The following EGF variants were observed in gnomAD, a reference collection of about 807,000 sequenced individuals.
EGF encodes pro-epidermal growth factor.
Under a neutral mutation model 143.8 loss-of-function variants are expected in EGF, and 95 were observed. The observed-to-expected ratio is 0.66, with a 90% CI of 0.56 to 0.78. EGF has a LOEUF of 0.78. EGF is among the 30% of genes least tolerant of loss of function. EGF has a pLI of 0.00. For missense variants in EGF, 1,320 were observed against 1,470.9 expected (o/e 0.90, Z 1.68); for synonymous variants, 510 against 510.5 (o/e 1.00, Z 0.01).
chr4:109,966,186 C>T (rs1372108610), intron 10 of EGF, among the ~76,000 whole-genome samples: 1 of 151,956 alleles, frequency 6.6e-6, no homozygotes, highest in East Asian at 1.9e-4. Flanking sequence ...GGTAGTATTT[C>T]ACCTGTTACC....
chr4:109,924,218 G>T lies in EGF; in HGVS notation c.127+10756G>T, dbSNP rs1470643288. On this transcript the variant is annotated intron_variant, in intron 1 of 23. Coordinates refer to ENST00000265171, the MANE Select transcript of EGF (RefSeq NM_001963.6). ...TGAAGTAGCTTCTCAGGTCCTATGAGAATATAGCTCAGGACCCTAGACTCT... is the reference window on the plus strand; with the variant it reads ...TGAAGTAGCTTCTCAGGTCCTATGATAATATAGCTCAGGACCCTAGACTCT... 1.7e-4 allele frequency among the ~76,000 whole-genome samples: 26 copies of T among 151,572 alleles called. 2 individuals carry two copies. The highest frequency in any genetic ancestry group is 1.7e-3 in the Admixed American group (26 of 15,262).
intron 1 of EGF, among the ~76,000 whole-genome samples, chr4:109,913,709 T>C (rs1193019136): frequency 1.3e-5 from 2 of 152,240 alleles, no homozygotes; most frequent in African/African-American, 4.8e-5. Context: ...TGCCTCATTT[T>C]AAACTAGCAG....
rs139620168 is a variant in EGF, at chr4:109,930,793, T to C, written c.128-10153T>C. Among the ~76,000 whole-genome samples, 133 of 152,354 alleles carry C rather than the reference T, an allele frequency of 8.7e-4. 1 individual carries two copies. The highest frequency in any genetic ancestry group is 3.9e-3 in the Admixed American group (60 of 15,310). ...TCCTACTTCAAGCAAAGCTTGCTTT[T>C]CATCACTGACCTCTGTGTTATGTAG... On this transcript the variant is annotated intron_variant, in intron 1 of 23. Coordinates refer to ENST00000265171, the MANE Select transcript of EGF (RefSeq NM_001963.6).
At chr4:110,004,672 C>G in intron 22 of EGF, 50 bp downstream of exon 22, 1 of 1,497,450 alleles carries the variant, frequency 6.7e-7, no homozygotes, top group Admixed American at 1.7e-5. Context: ...ATATTAACCC[C>G]TATTCATTTT....
At chr4:110,006,746 G>A (rs541865103) in intron 22 of EGF, among the ~76,000 whole-genome samples, 1 of 152,346 alleles carries the variant, frequency 6.6e-6, no homozygotes, top group East Asian at 1.9e-4. Flanking sequence ...GCTGTCATGA[G>A]CAACTTGTTG....
Position 109,976,098 on chromosome 4 carries a change from C to G in EGF, c.1916C>G (p.Ser639Cys), listed in dbSNP as rs754758349. The G allele has an allele frequency of 1.2e-6, 2 of 1,614,130 alleles. No individual in the cohort carries two copies. Among genetic ancestry groups the G allele is most frequent in the South Asian group, 1.1e-5 (1 of 91,084 alleles). The change falls in exon 13 of 24, where the codon TCT becomes TGT. Residue 639 changes from serine to cysteine, a missense_variant. Transcript: ENST00000265171. ...CTTGGCCGTCTGGTTATAGCCAGCT[C>G]TGATCTAATCTGGCCCAGTGGAATA... is the stretch of plus-strand genomic sequence containing the variant. ...QGLGRLVIASSDLIWPSGITI... is the reference protein window; with the variant it reads ...QGLGRLVIASCDLIWPSGITI...
At chr4:109,971,060 G>A (rs1560713635) in intron 11 of EGF, among the ~76,000 whole-genome samples, 1 of 152,070 alleles carries the variant, frequency 6.6e-6, no homozygotes, top group Admixed American at 6.6e-5. Context: ...CCAAAGGTAA[G>A]TTTTGTTATC....
chr4:109,950,892 A>G (rs567329181), intron 5 of EGF, among the ~76,000 whole-genome samples: 47 of 152,334 alleles, frequency 3.1e-4, no homozygotes, highest in African/African-American at 1.1e-3. Context: ...TTCCCTAATC[A>G]TATGACACCA....
intron 21 of EGF, 149 bp downstream of exon 21, chr4:109,999,995 C>A: frequency 8.3e-7 from 1 of 1,211,224 alleles, no homozygotes; most frequent in Non-Finnish European, 1.2e-6. Flanking sequence ...CCCATGCCTG[C>A]AATCCCAGCA....
intron 1 of EGF, among the ~76,000 whole-genome samples, chr4:109,926,981 C>T (rs1738788524): frequency 6.6e-6 from 1 of 152,204 alleles, no homozygotes; most frequent in Non-Finnish European, 1.5e-5. Flanking sequence ...CATTTACAAA[C>T]AGCTTTCTAA....
At chr4:109,969,311 G>C (rs1009880591) in intron 11 of EGF, among the ~76,000 whole-genome samples, 192 bp downstream of exon 11, 1 of 152,164 alleles carries the variant, frequency 6.6e-6, no homozygotes, top group East Asian at 1.9e-4. Context: ...ATCTGTGTGC[G>C]TGGGAGGATT....
intron 18 of EGF, among the ~76,000 whole-genome samples, chr4:109,990,806 G>A (rs570250931): frequency 6.6e-5 from 10 of 152,292 alleles, no homozygotes; most frequent in Admixed American, 5.9e-4. Context: ...GAGAGCAAGA[G>A]AACGCTCTAG....
At chr4:109,969,907 T>C (rs925633862) in intron 11 of EGF, among the ~76,000 whole-genome samples, 9 of 152,102 alleles carry the variant, frequency 5.9e-5, no homozygotes, top group Non-Finnish European at 1.2e-4. Context: ...AAATGACAGG[T>C]GTACACTCCC....
chr4:109,982,942 C>T (rs1242675120), intron 15 of EGF, among the ~76,000 whole-genome samples: 1 of 152,150 alleles, frequency 6.6e-6, no homozygotes, highest in Non-Finnish European at 1.5e-5. Flanking sequence ...GTGCGAGAAT[C>T]TTATGCCTGT....
At chr4:109,941,678 AG>A (rs1313757394) in intron 2 of EGF, among the ~76,000 whole-genome samples, 1 of 152,210 alleles carries the variant, frequency 6.6e-6, no homozygotes, top group Non-Finnish European at 1.5e-5. Context: ...ATAGTGCTGA[AG>A]TTGAGAGACC....
At chr4:109,958,481 T>C (rs1745148468) in intron 5 of EGF, among the ~76,000 whole-genome samples, 1 of 152,144 alleles carries the variant, frequency 6.6e-6, no homozygotes. Flanking sequence ...TATGGAATAT[T>C]TGGAACACGT....
Position 109,999,607 on chromosome 4 carries a change from A to G in EGF, c.3006-72A>G, listed in dbSNP as rs866027083. 141 of 1,588,542 alleles carry G rather than the reference A, an allele frequency of 8.9e-5. 1 individual carries two copies. In the Middle Eastern group the frequency reaches 6.0e-3, roughly 67 times the overall value. ...AATGCAGAGGTTGAGAGACAGCTGAATACTGAGTGTCAAAACTATCAGCGT... is the reference window on the plus strand; with the variant it reads ...AATGCAGAGGTTGAGAGACAGCTGAGTACTGAGTGTCAAAACTATCAGCGT... On this transcript the variant is annotated intron_variant, in intron 20 of 23. Coordinates refer to ENST00000265171, the MANE Select transcript of EGF (RefSeq NM_001963.6).
At chr4:109,958,490 G>A (rs1745149434) in intron 5 of EGF, among the ~76,000 whole-genome samples, 1 of 152,158 alleles carries the variant, frequency 6.6e-6, no homozygotes, top group African/African-American at 2.4e-5. Context: ...TTTGGAACAC[G>A]TGGGACACTG....
At chr4:109,925,077 T>G (rs1475437239) in intron 1 of EGF, among the ~76,000 whole-genome samples, 1 of 152,216 alleles carries the variant, frequency 6.6e-6, no homozygotes, top group Non-Finnish European at 1.5e-5. Flanking sequence ...TTTACTAAGC[T>G]TAATGAAAAA....
Sources: gnomAD v4.1 joint callset for allele counts (sites outside exome capture counted in the v4.1 genomes callset) on GRCh38, gnomAD v4.1.1 for gene constraint, MANE v1.5 for transcripts, NCBI Gene and HGNC (gene_info 2026-07-23, HGNC 2026-07-21) for gene names.